Variants in CASP10 observed in about 807,000 individuals in gnomAD.
CASP10 encodes caspase 10, also known as caspase-10.
A neutral mutation model predicts 48.5 loss-of-function variants in CASP10; 41 were observed. The observed-to-expected ratio is 0.85, with a 90% CI of 0.66 to 1.10. The LOEUF is 1.10. Ranked by LOEUF, CASP10 falls within the 50% of genes least tolerant of loss-of-function variation. The probability of loss-of-function intolerance (pLI) is 0.00; values close to 1 mark genes in which losing one functional copy is unlikely to be tolerated. For synonymous variants in CASP10, 232 were observed against 238.4 expected (o/e 0.97, Z 0.25); for missense variants, 614 against 614.5 (o/e 1.00, Z 0.01).
At chr2:201,222,397 A>C (rs1945737191), downstream of CASP10, among the ~76,000 whole-genome samples, 1 of 151,874 alleles carries the variant, frequency 6.6e-6, no homozygotes, top group Non-Finnish European at 1.5e-5. Context: ...TCATATTTCT[A>C]GTAGAAACAG....
intron 5 of CASP10, 118 bp downstream of exon 5, chr2:201,196,066 A>G (rs994040266): frequency 2.8e-6 from 2 of 711,410 alleles, no homozygotes; most frequent in East Asian, 2.5e-5. Context: ...CATTTATTGT[A>G]AATGGTCTCA....
At chr2:201,204,631 G>T (rs1301222452) in intron 6 of CASP10, among the ~76,000 whole-genome samples, 2 of 152,080 alleles carry the variant, frequency 1.3e-5, no homozygotes, top group African/African-American at 2.4e-5. Context: ...CAGCTAAAAG[G>T]CACCGCAGCT....
At chr2:201,212,849 T>C (rs1019836712) in intron 9 of CASP10, 1 of 152,208 alleles carries the variant, frequency 6.6e-6, no homozygotes, top group Non-Finnish European at 1.5e-5. Flanking sequence ...TTAGTCTAGT[T>C]TGAAGCTTAA....
At chr2:201,184,546 ACTC>A (rs1186765270) in intron 1 of CASP10, among the ~76,000 whole-genome samples, 5 of 150,666 alleles carry the variant, frequency 3.3e-5, no homozygotes, top group Non-Finnish European at 7.4e-5. Context: ...CTGGTCTTGA[ACTC>A]CTGGCCTCAA....
rs573479682 is a variant in CASP10 at position 201,207,375 on chromosome 2, C to A, written c.814-700C>A. Among the ~76,000 whole-genome samples the A allele has an allele frequency of 2.6e-5, 4 of 152,170 alleles. No individual in the cohort carries two copies. In the South Asian group the frequency reaches 8.3e-4, roughly 32 times the overall value. On this transcript the variant is annotated intron_variant, in intron 7 of 9. Transcript: ENST00000286186. Reference sequence around the variant, plus strand: ...GTGGCTCATGCCTGTAATCCTAGCACTTTGGGAGGCTGAGGTGGGCGAATC... The same window carrying A: ...GTGGCTCATGCCTGTAATCCTAGCAATTTGGGAGGCTGAGGTGGGCGAATC...
downstream of CASP10, among the ~76,000 whole-genome samples, chr2:201,225,456 G>A (rs146432802): frequency 4.6e-5 from 7 of 152,218 alleles, no homozygotes; most frequent in East Asian, 1.2e-3. Context: ...CAGGGGTTTC[G>A]GCAATGCTGT....
At position 201,185,931 on chromosome 2, in the gene CASP10, CT is replaced by C. The variant is rs2126005128; in HGVS notation, c.155del (p.Leu52ArgfsTer20). ...CATAGGATTGGTCCCCAACAAGAAG[CT>C]GGAGAAGTCCAGCTCAGCCTCAGAT... ...LCIGLVPNKKLEKSSSASDVF... is the reference protein window; with the variant it reads ...LCIGLVPNKKXEKSSSASDVF... On this transcript the variant is annotated frameshift_variant, in exon 2 of 10. Coordinates refer to ENST00000286186, the MANE Select transcript of CASP10 (RefSeq NM_032977.4). LOFTEE classifies it high-confidence loss of function. 1.2e-6 allele frequency: 2 copies of C among 1,614,192 alleles called. No homozygotes were observed. The highest frequency in any genetic ancestry group is 2.2e-5 in the East Asian group (1 of 44,892).
intron 6 of CASP10, among the ~76,000 whole-genome samples, chr2:201,204,185 G>A (rs1439347916): frequency 6.6e-6 from 1 of 152,224 alleles, no homozygotes; most frequent in Admixed American, 6.5e-5. Flanking sequence ...GAAGAAGCAA[G>A]AGGAGGGACT....
rs1945639811 is a variant in CASP10 at position 201,218,416 on chromosome 2, CCTCAGCCTCCCAA to C, written c.*676_*688del. 2 of 788,542 alleles carry C rather than the reference CCTCAGCCTCCCAA, an allele frequency of 2.5e-6. No individual in the cohort carries two copies. The highest frequency in any genetic ancestry group is 3.1e-6 in the Non-Finnish European group (2 of 650,544). 48.8% of individuals were successfully genotyped at this position (788,542 alleles called of 1,614,324 possible). A position where few individuals can be genotyped will look rare whatever the true frequency, so the allele number is the denominator to read the frequency against. On this transcript the variant is annotated 3_prime_UTR_variant, in exon 10 of 10. Coordinates refer to ENST00000286186, the MANE Select transcript of CASP10 (RefSeq NM_032977.4). ...CTCCCAGGTTCAAGCGATCCTCCCA[CCTCAGCCTCCCAA>C]GTAGCTGAGACTACAGGTGTGTGTC... is the stretch of plus-strand genomic sequence containing the variant.
At position 201,203,755 on chromosome 2, in the gene CASP10, C is replaced by T. The variant is rs750409587; in HGVS notation, c.710C>T (p.Ala237Val). Residue 237 changes from alanine to valine, a missense_variant, in exon 6 of 10, where the codon GCA becomes GTA. Transcript: ENST00000286186. Reference protein sequence around the residue: ...LPQESWQNKHAGSNGNRATNG... With the variant: ...LPQESWQNKHVGSNGNRATNG... ...CAGGAGTCCTGGCAAAATAAGCATG[C>T]AGGTAGTAATGGTAGGTATTTCTAA... 1.2e-6 allele frequency: 2 copies of T among 1,613,026 alleles called. No individual in the cohort carries two copies. The highest frequency in any genetic ancestry group is 1.7e-6 in the Non-Finnish European group (2 of 1,179,196).
intron 6 of CASP10, among the ~76,000 whole-genome samples, chr2:201,204,751 C>A (rs939433179): frequency 6.6e-6 from 1 of 152,216 alleles, no homozygotes; most frequent in Non-Finnish European, 1.5e-5. Flanking sequence ...GACTGCTTCA[C>A]CCCTCTGAAG....
At chr2:201,193,389 G>A (rs1944679012) in intron 4 of CASP10, 1 of 365,798 alleles carries the variant, frequency 2.7e-6, no homozygotes, top group Non-Finnish European at 5.3e-6. Context: ...TGTATTTTTA[G>A]TAGCGACAGG....
chr2:201,223,101 G>C (rs1945745376), downstream of CASP10, among the ~76,000 whole-genome samples: 1 of 152,038 alleles, frequency 6.6e-6, no homozygotes, highest in Admixed American at 6.6e-5. Context: ...TGGCTCTTTG[G>C]GGCGACTGCT....
Position 201,219,017 on chromosome 2 carries a change from C to T in CASP10, c.*1276C>T. On this transcript the variant is annotated 3_prime_UTR_variant, in exon 10 of 10. Coordinates refer to ENST00000286186, the MANE Select transcript of CASP10 (RefSeq NM_032977.4). ...GGGTGCGGTGACTCATGCCTGTAAT[C>T]CCAGTACTCTGGGAAGCCAAGGCAG... 2.0e-6 allele frequency: 2 copies of T among 979,938 alleles called. No individual in the cohort carries two copies. Among genetic ancestry groups the T allele is most frequent in the Non-Finnish European group, 2.4e-6 (2 of 824,940 alleles). The allele number at this position is 979,938 out of a possible 1,614,324, so 60.7% of individuals were successfully genotyped here. A position where few individuals can be genotyped will look rare whatever the true frequency, so the allele number is the denominator to read the frequency against.
chr2:201,209,144 G>A lies in CASP10; in HGVS notation c.997G>A (p.Glu333Lys), dbSNP rs972778129. Residue 333 changes from glutamate to lysine, a missense_variant, in exon 9 of 10, where the codon GAG becomes AAG. Physicochemically the swap from Glu to Lys is moderately conservative, Grantham distance 56 (BLOSUM62 1). Coordinates refer to ENST00000286186, the MANE Select transcript of CASP10 (RefSeq NM_032977.4). ...CAATAATGTGACGAAAGTGGAAATG[G>A]AGATGGTCCTGCAGAAGCAGAAGTG... ...IHNNVTKVEM[E>K]MVLQKQKCNP... 4.3e-6 allele frequency: 7 copies of A among 1,612,254 alleles called. No individual in the cohort carries two copies. The highest frequency in any genetic ancestry group is 1.6e-4 in the Middle Eastern group (1 of 6,068).
chr2:201,229,210 C>T, exon 10 of CASP10: 1 of 1,108,964 alleles, frequency 9.0e-7, no homozygotes, highest in Non-Finnish European at 1.4e-6. Context: ...AAAGTTGAGA[C>T]TTCTGAACGT....
At chr2:201,200,612 T>C in intron 5 of CASP10, 1 of 1,485,746 alleles carries the variant, frequency 6.7e-7, no homozygotes. Context: ...GCCCTGAACC[T>C]CATTCGGCAG....
At chr2:201,206,309 T>C (rs1945202226) in intron 7 of CASP10, 2 of 205,970 alleles carry the variant, frequency 9.7e-6, no homozygotes, top group Non-Finnish European at 1.0e-5. Flanking sequence ...TGGATAAAGA[T>C]GTACCACGAT....
At chr2:201,186,717 C>T (rs1944427053) in intron 2 of CASP10, among the ~76,000 whole-genome samples, 1 of 152,100 alleles carries the variant, frequency 6.6e-6, no homozygotes, top group Admixed American at 6.6e-5. Context: ...GACAGAGTCT[C>T]GCTCTGTCAC....
Sources: gnomAD v4.1 joint callset for allele counts (sites outside exome capture counted in the v4.1 genomes callset) on GRCh38, gnomAD v4.1.1 for gene constraint, MANE v1.5 for transcripts, NCBI Gene and HGNC (gene_info 2026-07-23, HGNC 2026-07-21) for gene names.